The following SYNE1 variants were observed in gnomAD, a reference collection of about 807,000 sequenced individuals.
SYNE1 encodes nesprin-1.
Under a neutral mutation model 1,111.0 loss-of-function variants are expected in SYNE1, and 616 were observed. The ratio of observed to expected loss-of-function variants is 0.55; its 90% confidence interval spans 0.52 to 0.59. The LOEUF (loss-of-function observed/expected upper bound fraction) is 0.59, where lower values mean the gene tolerates loss of function less well. Ranked by LOEUF, SYNE1 falls within the 20% of genes least tolerant of loss-of-function variation. The pLI, the probability that SYNE1 is intolerant of heterozygous loss-of-function variation, is 0.00. For synonymous variants in SYNE1, 3,855 were observed against 3,825.8 expected (o/e 1.01, Z -0.28); for missense variants, 10,006 against 10,417.0 (o/e 0.96, Z 1.72).
intron 128 of SYNE1, among the ~76,000 whole-genome samples, chr6:152,181,152 G>GAGGCCAAGGCGGA (rs2067949110): frequency 6.7e-6 from 1 of 148,296 alleles, no homozygotes; most frequent in Non-Finnish European, 1.5e-5. Flanking sequence ...GCCAAGGCGG[G>GAGGCCAAGGCGGA]CAGAATCCTA....
chr6:152,598,312 T>C (rs1218533274), intron 3 of SYNE1, among the ~76,000 whole-genome samples: 1 of 152,162 alleles, frequency 6.6e-6, no homozygotes, highest in Non-Finnish European at 1.5e-5. Context: ...CCTGCTGCCA[T>C]GTGAGACGTG....
rs770431727 is a variant in SYNE1 at position 152,330,000 on chromosome 6, G to A, written c.14685C>T (p.Arg4895=). Residue 4895 remains arginine, a synonymous_variant, in exon 78 of 146, where the codon CGC becomes CGT. Coordinates refer to ENST00000367255, the MANE Select transcript of SYNE1 (RefSeq NM_182961.4). Reference sequence around the variant, plus strand: ...TCACTCTCCTCAGCCAGTCCAGGGAGCGACTCATCTCAGTCTGGAAGTCTA... The same window carrying A: ...TCACTCTCCTCAGCCAGTCCAGGGAACGACTCATCTCAGTCTGGAAGTCTA... ...QSIDFQTEMS[R]SLDWLRRVKA... is the part of the protein sequence containing the mutation. 1.2e-5 allele frequency: 19 copies of A among 1,614,182 alleles called. No individual in the cohort carries two copies. The highest frequency in any genetic ancestry group is 1.6e-5 in the Non-Finnish European group (19 of 1,180,044).
chr6:152,265,040 C>G (rs908659305), intron 100 of SYNE1, among the ~76,000 whole-genome samples: 6 of 151,932 alleles, frequency 3.9e-5, no homozygotes, highest in African/African-American at 1.4e-4. Context: ...GAAACCCCAT[C>G]TCTACTGAAA....
In SYNE1 at chr6:152,255,087, A is replaced by G. The variant is rs777136725; in HGVS notation, c.19263T>C (p.Ile6421=). Residue 6421 remains isoleucine (I), a splice_region_variant and synonymous_variant, in exon 104 of 146, where the codon ATT becomes ATC. Coordinates refer to ENST00000367255, the MANE Select transcript of SYNE1 (RefSeq NM_182961.4). The part of the protein sequence containing the change: ...ETETCLFNQE[I]LAKDIKEMSE... ...ACATTTCCTTAATGTCTTTGGCAAGAATCTAGAGGTGATAAAAGGGCATTT... is the reference window on the plus strand; with the variant it reads ...ACATTTCCTTAATGTCTTTGGCAAGGATCTAGAGGTGATAAAAGGGCATTT... The G allele has an allele frequency of 5.0e-6, 8 of 1,590,928 alleles. No homozygotes were observed. The South Asian group carries it at 9.0e-5, about 18-fold the overall frequency.
chr6:152,527,017 G>C (rs754643393), intron 4 of SYNE1, among the ~76,000 whole-genome samples: 4 of 152,150 alleles, frequency 2.6e-5, no homozygotes, highest in Non-Finnish European at 5.9e-5. Flanking sequence ...GGTCAATAGA[G>C]GGGAGGTGTT....
chr6:152,534,356 T>C (rs2099223342), intron 4 of SYNE1, among the ~76,000 whole-genome samples: 1 of 152,146 alleles, frequency 6.6e-6, no homozygotes. Flanking sequence ...TAACAAATGC[T>C]ATTCATTTTG....
chr6:152,462,231 G>A (rs2098738241), intron 20 of SYNE1, among the ~76,000 whole-genome samples: 1 of 151,250 alleles, frequency 6.6e-6, no homozygotes, highest in Non-Finnish European at 1.5e-5. Flanking sequence ...ACATCATTAA[G>A]TTTTTTTTTC....
At chr6:152,555,836 A>C (rs1242662483) in intron 3 of SYNE1, among the ~76,000 whole-genome samples, 1 of 152,198 alleles carries the variant, frequency 6.6e-6, no homozygotes, top group African/African-American at 2.4e-5. Flanking sequence ...GAGAATCTAC[A>C]TCCAGAGTAA....
chr6:152,618,050 C>T (rs2099665116), intron 3 of SYNE1, among the ~76,000 whole-genome samples: 1 of 152,132 alleles, frequency 6.6e-6, no homozygotes, highest in African/African-American at 2.4e-5. Context: ...TTGCAAGCTT[C>T]TAAGCAGGGA....
intron 101 of SYNE1, among the ~76,000 whole-genome samples, chr6:152,260,891 T>C (rs2153644787): frequency 6.6e-6 from 1 of 152,256 alleles, no homozygotes; most frequent in South Asian, 2.1e-4. Flanking sequence ...AATGCTCACC[T>C]GCCTGCCGCT....
At chr6:152,414,343 A>C (rs1265343417) in intron 41 of SYNE1, among the ~76,000 whole-genome samples, 1 of 152,074 alleles carries the variant, frequency 6.6e-6, no homozygotes, top group Non-Finnish European at 1.5e-5. Context: ...CAAAAGTTTG[A>C]GGCCGCAGTG....
intron 126 of SYNE1, 100 bp from the exon 127 acceptor site, chr6:152,202,049 T>C: frequency 6.8e-7 from 1 of 1,472,898 alleles, no homozygotes; most frequent in Non-Finnish European, 9.3e-7. Context: ...AGAGAAAGAA[T>C]GAAAGTTACA....
chr6:152,379,127 G>C (rs932481811), intron 56 of SYNE1, among the ~76,000 whole-genome samples: 1 of 152,168 alleles, frequency 6.6e-6, no homozygotes, highest in African/African-American at 2.4e-5. Flanking sequence ...AGTTACTTAT[G>C]AATGGGATGA....
chr6:152,386,970 C>A, intron 54 of SYNE1, 102 bp downstream of exon 54: 1 of 1,070,058 alleles, frequency 9.3e-7, no homozygotes, highest in Non-Finnish European at 1.3e-6. Context: ...TCCACAGTTT[C>A]TTCTTTACCT....
At chr6:152,309,713 A>T in intron 90 of SYNE1, 122 bp downstream of exon 90, 1 of 1,311,544 alleles carries the variant, frequency 7.6e-7, no homozygotes, top group East Asian at 2.4e-5. Flanking sequence ...TTATAAAACC[A>T]CAACAGCCTG....
intron 29 of SYNE1, among the ~76,000 whole-genome samples, chr6:152,447,142 G>A (rs533178847): frequency 2.6e-5 from 4 of 152,044 alleles, no homozygotes; most frequent in Non-Finnish European, 5.9e-5. Flanking sequence ...CTTATTCTTA[G>A]CCTCCATGAT....
At chr6:152,211,993 C>G (rs1395502800) in intron 123 of SYNE1, among the ~76,000 whole-genome samples, 3 of 151,928 alleles carry the variant, frequency 2.0e-5, no homozygotes, top group Non-Finnish European at 4.4e-5. Flanking sequence ...CTTTTTCTGT[C>G]TTTTAAAACT....
At chr6:152,586,307 T>C (rs1391473656) in intron 3 of SYNE1, among the ~76,000 whole-genome samples, 1 of 152,198 alleles carries the variant, frequency 6.6e-6, no homozygotes. Context: ...TATTGTGAGT[T>C]TTCTTGTCCA....
intron 87 of SYNE1, among the ~76,000 whole-genome samples, chr6:152,313,245 C>T (rs186709927): frequency 2.3e-4 from 35 of 152,176 alleles, no homozygotes; most frequent in African/African-American, 8.2e-4. Flanking sequence ...CAGGACATTG[C>T]CTGAGTCTGT....
Sources: allele counts gnomAD v4.1 joint callset (sites outside exome capture counted in the v4.1 genomes callset), GRCh38; gene constraint gnomAD v4.1.1; transcripts MANE v1.5; gene names NCBI Gene and HGNC (gene_info 2026-07-23, HGNC 2026-07-21).